KCMF1: variants seen among roughly 807,000 people sequenced by gnomAD.
KCMF1 encodes E3 ubiquitin-protein ligase KCMF1.
A neutral mutation model predicts 41.1 loss-of-function variants in KCMF1; 3 were observed. The ratio of observed to expected loss-of-function variants is 0.07; its 90% confidence interval spans 0.03 to 0.19. The LOEUF (loss-of-function observed/expected upper bound fraction) is 0.19. Among genes scored for constraint, KCMF1 ranks in the 10% least tolerant of loss-of-function variants. The pLI is 1.00. For missense variants in KCMF1, 286 were observed against 488.9 expected, an observed-to-expected ratio of 0.58 and a Z score of 3.91; for synonymous variants, 142 against 164.5, an observed-to-expected ratio of 0.86 and a Z score of 1.04.
At chr2:84,995,311 G>A (rs530339129) in intron 1 of KCMF1, among the ~76,000 whole-genome samples, 1 of 152,278 alleles carries the variant, frequency 6.6e-6, no homozygotes, top group East Asian at 1.9e-4. Context: ...TGAGCCAACC[G>A]TGCCTGGCCA....
At chr2:85,043,755 G>A (rs1170340478) in intron 4 of KCMF1, 90 bp downstream of exon 4, 9 of 878,946 alleles carry the variant, frequency 1.0e-5, no homozygotes, top group Middle Eastern at 2.2e-4. Flanking sequence ...TCGCTGTGTC[G>A]ACCTGGCTGG....
chr2:85,050,212 C>T (rs1675775644), intron 6 of KCMF1, among the ~76,000 whole-genome samples: 1 of 152,046 alleles, frequency 6.6e-6, no homozygotes, highest in South Asian at 2.1e-4. Flanking sequence ...ATTGTTTTGC[C>T]ATAGTACCCA....
chr2:85,039,429 G>T (rs1675473212), intron 3 of KCMF1, among the ~76,000 whole-genome samples: 2 of 151,902 alleles, frequency 1.3e-5, no homozygotes, highest in South Asian at 4.2e-4. Context: ...TGGAGCTGTT[G>T]TTTTTAAAAA....
chr2:85,018,106 A>T (rs1229549770), intron 1 of KCMF1, among the ~76,000 whole-genome samples: 1 of 152,142 alleles, frequency 6.6e-6, no homozygotes, highest in Non-Finnish European at 1.5e-5. Flanking sequence ...AAAGGGGTTA[A>T]ACTGTATGTC....
At chr2:85,043,279 T>A (rs1675585544) in intron 3 of KCMF1, among the ~76,000 whole-genome samples, 2 of 152,106 alleles carry the variant, frequency 1.3e-5, no homozygotes, top group African/African-American at 4.8e-5. Context: ...AAAGTTTTTT[T>A]TAATGGAAAC....
intron 1 of KCMF1, among the ~76,000 whole-genome samples, chr2:85,008,622 C>T (rs535043442): frequency 1.2e-3 from 177 of 151,596 alleles, no homozygotes; most frequent in Non-Finnish European, 2.3e-3. Context: ...AAAATGAGAG[C>T]TGAAAGAAGG....
intron 1 of KCMF1, among the ~76,000 whole-genome samples, chr2:85,004,512 A>C (rs183184889): frequency 0.015 from 2,325 of 151,040 alleles, 30 homozygotes; most frequent in South Asian, 0.063. Flanking sequence ...ACTCCATCTC[A>C]AAAAAAAATA....
intron 2 of KCMF1, among the ~76,000 whole-genome samples, chr2:85,033,486 G>A (rs746209110): frequency 2.0e-5 from 3 of 152,170 alleles, no homozygotes; most frequent in African/African-American, 4.8e-5. Context: ...TCATCTGGTC[G>A]ACTTCAGGTG....
intron 2 of KCMF1, among the ~76,000 whole-genome samples, chr2:85,034,592 A>T (rs1280456633): frequency 6.6e-6 from 1 of 152,164 alleles, no homozygotes; most frequent in Non-Finnish European, 1.5e-5. Flanking sequence ...GGGAATAAGG[A>T]TATTACAAAT....
At chr2:84,977,668 C>G (rs888304524) in intron 1 of KCMF1, among the ~76,000 whole-genome samples, 2 of 151,944 alleles carry the variant, frequency 1.3e-5, no homozygotes, top group African/African-American at 4.8e-5. Flanking sequence ...AGTGATTCTC[C>G]CACCTCAGCT....
intron 1 of KCMF1, among the ~76,000 whole-genome samples, chr2:84,989,896 G>T (rs1316108098): frequency 6.6e-6 from 1 of 152,232 alleles, no homozygotes; most frequent in African/African-American, 2.4e-5. Flanking sequence ...GTCCATTGTT[G>T]TAGAGTGATT....
At position 85,043,673 on chromosome 2, in the gene KCMF1, T is replaced by C. The variant is rs1675596304; in HGVS notation, c.426+8T>C. 6.5e-7 allele frequency: 1 copy of C among 1,529,770 alleles called. No homozygotes were observed. The highest frequency in any genetic ancestry group is 9.1e-7 in the Non-Finnish European group (1 of 1,104,604). 94.8% of individuals were successfully genotyped at this position (1,529,770 alleles called of 1,614,324 possible). A position where few individuals can be genotyped will look rare whatever the true frequency, so the allele number is the denominator to read the frequency against. The stretch of plus-strand genomic sequence containing the variant: ...AGAGCCCCTAGAGATTTAATATCCT[T>C]TTAAGAGATGACAAGGAAAAGAGTT... On this transcript the variant is annotated splice_region_variant and intron_variant, in intron 4 of 6. Coordinates refer to ENST00000409785, the MANE Select transcript of KCMF1 (RefSeq NM_020122.5).
At chr2:84,988,695 G>A (rs1371533724) in intron 1 of KCMF1, among the ~76,000 whole-genome samples, 1 of 152,212 alleles carries the variant, frequency 6.6e-6, no homozygotes, top group East Asian at 1.9e-4. Context: ...TAGGTTATTT[G>A]TCGTAGGTCC....
intron 1 of KCMF1, among the ~76,000 whole-genome samples, chr2:84,976,412 G>T (rs2103959829): frequency 6.6e-6 from 1 of 151,744 alleles, no homozygotes; most frequent in South Asian, 2.1e-4. Context: ...CACCATGTTG[G>T]CCAGGCTGGT....
At chr2:85,038,218 T>C (rs1024576546) in intron 3 of KCMF1, among the ~76,000 whole-genome samples, 1 of 152,246 alleles carries the variant, frequency 6.6e-6, no homozygotes. Context: ...TTCACAATTA[T>C]AAGTTAATTT....
chr2:84,978,074 C>T (rs535683410), intron 1 of KCMF1, among the ~76,000 whole-genome samples: 1 of 151,886 alleles, frequency 6.6e-6, no homozygotes, highest in Admixed American at 6.6e-5. Context: ...CTCAACTCAC[C>T]GCAACCTACG....
chr2:85,001,617 T>A (rs978513252), intron 1 of KCMF1, among the ~76,000 whole-genome samples: 15 of 152,180 alleles, frequency 9.9e-5, no homozygotes, highest in Non-Finnish European at 2.2e-4. Context: ...CCTCAATAAA[T>A]GCCAGTAGAG....
At chr2:85,014,256 TAAG>T (rs550974276) in intron 1 of KCMF1, among the ~76,000 whole-genome samples, 8 of 152,070 alleles carry the variant, frequency 5.3e-5, no homozygotes, top group Non-Finnish European at 1.2e-4. Context: ...TCTTAAAAAA[TAAG>T]AAGTCAAGGG....
chr2:85,059,270 A>T lies in KCMF1; in HGVS notation c.*5861A>T, dbSNP rs1391116130. The T allele has an allele frequency of 6.6e-6, 1 of 152,254 alleles. No individual in the cohort carries two copies. The highest frequency in any genetic ancestry group is 1.5e-5 in the Non-Finnish European group (1 of 68,052). The allele number at this position is 152,254 out of a possible 1,614,324, so 9.4% of individuals were successfully genotyped here. ...TGAATTGCCCTATCGGATAGCAGCC[A>T]CCATGTGTGCTGACCACTCACGATT... is the stretch of plus-strand genomic sequence containing the variant. On this transcript the variant is annotated 3_prime_UTR_variant, in exon 7 of 7. Coordinates refer to ENST00000409785, the MANE Select transcript of KCMF1 (RefSeq NM_020122.5).
Sources: gnomAD v4.1 joint callset for allele counts (sites outside exome capture counted in the v4.1 genomes callset) on GRCh38, gnomAD v4.1.1 for gene constraint, MANE v1.5 for transcripts, NCBI Gene and HGNC (gene_info 2026-07-23, HGNC 2026-07-21) for gene names.